The following STK24 variants were observed in gnomAD, a reference collection of about 807,000 sequenced individuals.
STK24 encodes the protein serine/threonine-protein kinase 24.
In STK24, 21 loss-of-function variants were observed where a neutral mutation model predicts 55.6. That is an observed-to-expected ratio of 0.38 (90% CI 0.27 to 0.54). The LOEUF (loss-of-function observed/expected upper bound fraction) is 0.54. Ranked by LOEUF, STK24 falls within the 20% of genes least tolerant of loss-of-function variation. STK24 has a pLI of 0.79. For missense variants in STK24, 383 were observed against 538.4 expected, an observed-to-expected ratio of 0.71 and a Z score of 2.86; for synonymous variants, 200 against 215.2, an observed-to-expected ratio of 0.93 and a Z score of 0.62.
At chr13:98,539,574 A>C (rs1384245167) in intron 1 of STK24, among the ~76,000 whole-genome samples, 6 of 151,852 alleles carry the variant, frequency 4.0e-5, no homozygotes, top group Non-Finnish European at 5.9e-5. Flanking sequence ...TTAAAAACAA[A>C]AAAAAAAGGA....
intron 1 of STK24, among the ~76,000 whole-genome samples, chr13:98,529,028 C>T (rs1296450811): frequency 6.6e-6 from 1 of 152,138 alleles, no homozygotes; most frequent in Non-Finnish European, 1.5e-5. Flanking sequence ...TCAGAATCTA[C>T]TCACCCCAGC....
intron 1 of STK24, chr13:98,576,028 T>C: frequency 1.0e-6 from 1 of 985,126 alleles, no homozygotes; most frequent in Middle Eastern, 5.2e-4. Context: ...AGAATTCCTG[T>C]AAATGCAACC....
chr13:98,456,463 G>A (rs533806442), intron 10 of STK24: 3 of 505,016 alleles, frequency 5.9e-6, no homozygotes, highest in African/African-American at 3.9e-5. Context: ...TCACCCTCAG[G>A]TCACACAGAG....
chr13:98,533,023 CAG>C (rs1896622532), intron 1 of STK24, among the ~76,000 whole-genome samples: 2 of 152,210 alleles, frequency 1.3e-5, no homozygotes, highest in African/African-American at 2.4e-5. Flanking sequence ...TTTGACAAAA[CAG>C]AAAATTGGCA....
At chr13:98,561,926 G>A (rs1325238235) in intron 1 of STK24, among the ~76,000 whole-genome samples, 3 of 138,818 alleles carry the variant, frequency 2.2e-5, no homozygotes, top group South Asian at 2.3e-4. Flanking sequence ...GCAGTGAGCC[G>A]AGATCCCACC....
At chr13:98,551,438 T>C (rs1594663307) in intron 1 of STK24, among the ~76,000 whole-genome samples, 4 of 151,880 alleles carry the variant, frequency 2.6e-5, no homozygotes, top group Admixed American at 2.6e-4. Flanking sequence ...GGAACCCCCG[T>C]CATACTTTCT....
intron 9 of STK24, among the ~76,000 whole-genome samples, chr13:98,459,974 T>G (rs1299124861): frequency 6.6e-6 from 1 of 152,156 alleles, no homozygotes; most frequent in Non-Finnish European, 1.5e-5. Context: ...GTGAAACATG[T>G]GGCTCAGGGG....
chr13:98,507,881 A>G (rs1895750730), intron 2 of STK24, among the ~76,000 whole-genome samples: 1 of 152,142 alleles, frequency 6.6e-6, no homozygotes, highest in Non-Finnish European at 1.5e-5. Flanking sequence ...CCAAAAGCCC[A>G]TTGCAGATCT....
intron 2 of STK24, among the ~76,000 whole-genome samples, chr13:98,513,653 T>C (rs1351247299): frequency 1.3e-5 from 2 of 152,104 alleles, no homozygotes; most frequent in Non-Finnish European, 2.9e-5. Context: ...AACTTTCTTC[T>C]GGGCCCTTTC....
chr13:98,511,678 C>T (rs1318747607), intron 2 of STK24, among the ~76,000 whole-genome samples: 1 of 152,142 alleles, frequency 6.6e-6, no homozygotes, highest in Admixed American at 6.5e-5. Context: ...CTGAAAAACG[C>T]CACTAACAAA....
chr13:98,529,393 A>C (rs9517337), intron 1 of STK24, among the ~76,000 whole-genome samples: 89,434 of 151,926 alleles, frequency 0.59, 26,892 homozygotes, highest in African/African-American at 0.69. Flanking sequence ...CCTGCCTGTG[A>C]CCTGCTGTCA....
intron 1 of STK24, among the ~76,000 whole-genome samples, chr13:98,558,890 C>CTTTATATT (rs1897341383): frequency 6.6e-6 from 1 of 150,810 alleles, no homozygotes; most frequent in African/African-American, 2.4e-5. Context: ...CTAGGCTGGG[C>CTTTATATT]ACGGTGGCTC....
At chr13:98,558,428 G>A (rs1453422249) in intron 1 of STK24, among the ~76,000 whole-genome samples, 5 of 152,120 alleles carry the variant, frequency 3.3e-5, no homozygotes, top group Admixed American at 2.6e-4. Flanking sequence ...ACACCAGAGC[G>A]GTACAACACC....
At chr13:98,562,671 T>A (rs1897455697) in intron 1 of STK24, among the ~76,000 whole-genome samples, 2 of 152,134 alleles carry the variant, frequency 1.3e-5, no homozygotes, top group South Asian at 4.1e-4. Context: ...GTCCCAGCAC[T>A]TTGGGAGGCC....
intron 3 of STK24, among the ~76,000 whole-genome samples, chr13:98,477,365 G>C (rs181328822): frequency 2.0e-5 from 3 of 152,228 alleles, no homozygotes; most frequent in African/African-American, 7.2e-5. Flanking sequence ...GAATCCAGTC[G>C]ACCAAAGATC....
intron 1 of STK24, among the ~76,000 whole-genome samples, chr13:98,535,116 G>A (rs767937994): frequency 3.7e-4 from 57 of 152,142 alleles, no homozygotes; most frequent in Middle Eastern, 3.4e-3. Context: ...TGAGAGGCTG[G>A]GGCAGGCGGA....
intron 1 of STK24, among the ~76,000 whole-genome samples, chr13:98,522,457 G>T (rs1178906764): frequency 6.6e-6 from 1 of 152,232 alleles, no homozygotes; most frequent in Non-Finnish European, 1.5e-5. Flanking sequence ...AATGGATTCT[G>T]ATCAATTGCC....
intron 1 of STK24, among the ~76,000 whole-genome samples, chr13:98,522,989 A>T (rs1896314883): frequency 6.6e-6 from 1 of 152,176 alleles, no homozygotes. Flanking sequence ...TCCCGGGAGC[A>T]GTGATTCTCA....
intron 3 of STK24, among the ~76,000 whole-genome samples, chr13:98,481,299 G>A (rs1247391710): frequency 6.6e-6 from 1 of 152,206 alleles, no homozygotes; most frequent in African/African-American, 2.4e-5. Context: ...TTTTACACAA[G>A]CAAATCACAG....
Sources: allele counts gnomAD v4.1 joint callset (sites outside exome capture counted in the v4.1 genomes callset), GRCh38; gene constraint gnomAD v4.1.1; transcripts MANE v1.5; gene names NCBI Gene and HGNC (gene_info 2026-07-23, HGNC 2026-07-21).